The following ADARB1 variants were observed in gnomAD, a reference collection of about 807,000 sequenced individuals.
ADARB1 encodes the protein double-stranded RNA-specific editase 1.
Under a neutral mutation model 52.4 loss-of-function variants are expected in ADARB1, and 10 were observed. That is an observed-to-expected ratio of 0.19 (90% CI 0.12 to 0.32). The LOEUF is 0.32. Among genes scored for constraint, ADARB1 ranks in the 10% least tolerant of loss-of-function variants. The pLI is 1.00. For missense variants in ADARB1, 643 were observed against 922.3 expected (o/e 0.70, Z 3.92); for synonymous variants, 349 against 371.1 (o/e 0.94, Z 0.68).
At position 45,175,724 on chromosome 21, in the gene ADARB1, C is replaced by T. The variant is rs774487150; in HGVS notation, c.29-6C>T. On this transcript the variant is annotated splice_region_variant and splice_polypyrimidine_tract_variant and intron_variant, in intron 3 of 10. Transcript: ENST00000348831. ...CATTGTAAGTTACTCTTTCTGGGCA[C>T]CACAGGTTCCAGCAGCACTGATGTG... 3 of 1,613,484 alleles carry T rather than the reference C, an allele frequency of 1.9e-6. No individual in the cohort carries two copies. The South Asian group carries it at 3.3e-5, about 18-fold the overall frequency.
In ADARB1 at chr21:45,113,455, A is replaced by G. The variant is rs147379264; in HGVS notation, c.-219-14947A>G. Among the ~76,000 whole-genome samples the G allele has an allele frequency of 6.8e-3, 1,006 of 148,746 alleles. 12 individuals are homozygous for G. Among genetic ancestry groups the G allele is most frequent in the East Asian group, 0.01 (52 of 5,130 alleles). ...AAACAAAACAAAACTATATATATAT[A>G]TGTGTGTGTGTGTATATATATATAT... is the stretch of plus-strand genomic sequence containing the variant. On this transcript the variant is annotated intron_variant, in intron 1 of 10. Transcript: ENST00000348831.
intron 4 of ADARB1, 60 bp from the exon 5 acceptor site, chr21:45,180,270 G>T: frequency 8.2e-7 from 1 of 1,222,188 alleles, no homozygotes; most frequent in South Asian, 1.3e-5. Flanking sequence ...AGCATTGAGA[G>T]AGTGAGCCCT....
At chr21:45,143,552 AAG>A (rs1291935905) in intron 2 of ADARB1, among the ~76,000 whole-genome samples, 1 of 152,168 alleles carries the variant, frequency 6.6e-6, no homozygotes, top group African/African-American at 2.4e-5. Context: ...GCCCGTGTCC[AAG>A]ATGCTGCCAC....
At position 45,204,428 on chromosome 21, in the gene ADARB1, C is replaced by CTGA; in HGVS notation, c.1566-126_1566-125insGAT. 1.2e-6 allele frequency: 1 copy of CTGA among 859,264 alleles called. No individual in the cohort carries two copies. The highest frequency in any genetic ancestry group is 1.8e-6 in the Non-Finnish European group (1 of 553,268). 53.2% of individuals were successfully genotyped at this position (859,264 alleles called of 1,614,324 possible). A position where few individuals can be genotyped will look rare whatever the true frequency, so the allele number is the denominator to read the frequency against. On this transcript the variant is annotated intron_variant, in intron 8 of 10. Coordinates refer to ENST00000348831, the MANE Select transcript of ADARB1 (RefSeq NM_001112.4). This position sits in a 1 kb window ranked among gnomAD's most constrained non-coding sequence, Gnocchi z 4.4. Reference sequence around the variant, plus strand: ...ATCAGTCTGTTAACTTTTTGTTGCACTCCTTCGTCAGTTGGTTGGGATCCT... The same window carrying CTGA: ...ATCAGTCTGTTAACTTTTTGTTGCACTGATCCTTCGTCAGTTGGTTGGGATCCT...
At chr21:45,185,243 C>T in intron 8 of ADARB1, 152 bp downstream of exon 8, 2 of 1,077,876 alleles carry the variant, frequency 1.9e-6, no homozygotes, top group Non-Finnish European at 1.3e-6. Context: ...AGGTTCTAAA[C>T]AGGTGCTGCT....
In ADARB1 at chr21:45,221,605, G is replaced by C. The variant is rs2092965286; in HGVS notation, c.1927-413G>C. Among the ~76,000 whole-genome samples the C allele has an allele frequency of 6.6e-6, 1 of 152,310 alleles. No individual in the cohort carries two copies. Among genetic ancestry groups the C allele is most frequent in the Non-Finnish European group, 1.5e-5 (1 of 68,026 alleles). On this transcript the variant is annotated intron_variant, in intron 10 of 10. Transcript: ENST00000348831. The surrounding 1 kb of genome is among the most constrained non-coding windows in gnomAD (Gnocchi z 4.9). ...TCCTGTTCACCAGGGGCAGCACCCA[G>C]GCCAGCTGCCACAAGTCCAAGGTCC...
intron 2 of ADARB1, among the ~76,000 whole-genome samples, chr21:45,131,034 A>T (rs913709468): frequency 2.0e-5 from 3 of 152,168 alleles, no homozygotes; most frequent in Non-Finnish European, 2.9e-5. Flanking sequence ...TTATTAACTC[A>T]TCTTTTTATT....
intron 8 of ADARB1, among the ~76,000 whole-genome samples, chr21:45,190,965 C>G (rs1338195054): frequency 6.6e-6 from 1 of 152,204 alleles, no homozygotes; most frequent in Non-Finnish European, 1.5e-5. Flanking sequence ...ATTTCCTATC[C>G]CTTTCATTGG....
intron 3 of ADARB1, among the ~76,000 whole-genome samples, chr21:45,175,048 G>C (rs1476196046): frequency 1.3e-5 from 2 of 152,028 alleles, no homozygotes; most frequent in African/African-American, 2.4e-5. Flanking sequence ...TTTTTAAATA[G>C]ATACTAGAAA....
intron 1 of ADARB1, among the ~76,000 whole-genome samples, chr21:45,075,505 G>A (rs560540318): frequency 1.6e-4 from 24 of 152,274 alleles, no homozygotes; most frequent in Middle Eastern, 3.2e-3. Context: ...TCTGCGCCGC[G>A]GGCGGCCCGG....
intron 8 of ADARB1, among the ~76,000 whole-genome samples, chr21:45,187,537 A>T (rs1669331824): frequency 6.6e-6 from 1 of 152,178 alleles, no homozygotes; most frequent in Admixed American, 6.5e-5. Flanking sequence ...TAGAACTTCT[A>T]ATACTGTGTT....
intron 2 of ADARB1, among the ~76,000 whole-genome samples, chr21:45,131,555 A>G (rs530139012): frequency 1.3e-5 from 2 of 152,288 alleles, no homozygotes; most frequent in Admixed American, 1.3e-4. Flanking sequence ...AGGAGTGCCC[A>G]TGTCACCATG....
chr21:45,215,352 T>C (rs2092841716), intron 9 of ADARB1, among the ~76,000 whole-genome samples: 1 of 152,226 alleles, frequency 6.6e-6, no homozygotes, highest in Non-Finnish European at 1.5e-5. Context: ...CTGGCTGCTG[T>C]AGGTTTTTTA....
chr21:45,100,611 C>G (rs892709667), intron 1 of ADARB1: 9 of 152,414 alleles, frequency 5.9e-5, no homozygotes, highest in African/African-American at 2.2e-4. Context: ...GATGTGGCAT[C>G]TCCATTGAGG....
Position 45,208,690 on chromosome 21 carries a change from ATG to A in ADARB1, c.1747+3963_1747+3964del, listed in dbSNP as rs546182659. ...TGCGTGTGTGTATGAGTGTGTGTGC[ATG>A]TGTGTGTGCACGCTCACATGAGTGT... On this transcript the variant is annotated intron_variant, in intron 9 of 10. Transcript: ENST00000348831. The surrounding 1 kb of genome is among the most constrained non-coding windows in gnomAD (Gnocchi z 5.6). Among the ~76,000 whole-genome samples, 1 of 151,526 alleles carries A rather than the reference ATG, an allele frequency of 6.6e-6. No individual in the cohort carries two copies. Among genetic ancestry groups the A allele is most frequent in the East Asian group, 1.9e-4 (1 of 5,172 alleles).
rs181605477 is a variant in ADARB1 at position 45,136,681 on chromosome 21, G to T, written c.-48+8108G>T. On this transcript the variant is annotated intron_variant, in intron 2 of 10. Transcript: ENST00000348831. ...AGAGCTGCCCCACCAGCCAGCGGCT[G>T]CTGGGAGAGCAGGGGTGTCCCCGCA... 4.0e-3 allele frequency among the ~76,000 whole-genome samples: 603 copies of T among 152,374 alleles called. 5 individuals are homozygous for T. The highest frequency in any genetic ancestry group is 0.013 in the African/African-American group (526 of 41,592).
At chr21:45,207,474 C>T (rs895483777) in intron 9 of ADARB1, among the ~76,000 whole-genome samples, 6 of 152,166 alleles carry the variant, frequency 3.9e-5, no homozygotes, top group Non-Finnish European at 7.4e-5. Context: ...GTGGGTGTTA[C>T]TGGAGACAAA....
intron 1 of ADARB1, among the ~76,000 whole-genome samples, chr21:45,081,254 C>A (rs2086138542): frequency 6.6e-6 from 1 of 152,142 alleles, no homozygotes; most frequent in South Asian, 2.1e-4. Flanking sequence ...AACTGACATT[C>A]TGGTGGAGAA....
intron 4 of ADARB1, among the ~76,000 whole-genome samples, chr21:45,179,806 G>A (rs1485650895): frequency 6.6e-6 from 1 of 152,092 alleles, no homozygotes; most frequent in East Asian, 1.9e-4. Context: ...TTCCTTCACT[G>A]GATCGCATCT....
Sources: gnomAD v4.1 joint callset for allele counts (sites outside exome capture counted in the v4.1 genomes callset) on GRCh38, gnomAD v4.1.1 for gene constraint, Gnocchi (gnomAD v3.1) non-coding constraint, MANE v1.5 for transcripts, NCBI Gene and HGNC (gene_info 2026-07-23, HGNC 2026-07-21) for gene names.